IFT43: variants seen among roughly 807,000 people sequenced by gnomAD.
IFT43 encodes the protein intraflagellar transport protein 43 homolog.
In IFT43, 33 loss-of-function variants were observed where a neutral mutation model predicts 32.3. That is an observed-to-expected ratio of 1.02 (90% CI 0.77 to 1.37). The LOEUF (loss-of-function observed/expected upper bound fraction) is 1.37. IFT43 is among the 40% of genes most tolerant of loss of function. The probability of loss-of-function intolerance (pLI) is 0.00; values close to 1 mark genes in which losing one functional copy is unlikely to be tolerated. For synonymous variants in IFT43, 93 were observed against 98.2 expected, an observed-to-expected ratio of 0.95 and a Z score of 0.31; for missense variants, 274 against 265.9, an observed-to-expected ratio of 1.03 and a Z score of -0.21.
At chr14:76,030,767 T>C (rs2036495691) in intron 3 of IFT43, among the ~76,000 whole-genome samples, 2 of 152,292 alleles carry the variant, frequency 1.3e-5, no homozygotes, top group African/African-American at 4.8e-5. Flanking sequence ...AATACACAAT[T>C]ACATTCACTT....
intron 3 of IFT43, among the ~76,000 whole-genome samples, chr14:76,030,864 A>G (rs1334399872): frequency 6.6e-6 from 1 of 151,776 alleles, no homozygotes; most frequent in African/African-American, 2.4e-5. Context: ...ACACCAATCA[A>G]TAGTTAAAAT....
intron 2 of IFT43, among the ~76,000 whole-genome samples, chr14:76,003,701 C>A (rs1276962685): frequency 1.3e-5 from 2 of 152,114 alleles, no homozygotes; most frequent in Admixed American, 6.6e-5. Context: ...TTTGTCCCCC[C>A]AGTCCTTTGT....
chr14:76,032,030 C>T (rs552517007), intron 3 of IFT43, among the ~76,000 whole-genome samples: 1 of 152,272 alleles, frequency 6.6e-6, no homozygotes, highest in Admixed American at 6.5e-5. Context: ...CCTGACACAT[C>T]CAAATTAGTC....
chr14:76,005,085 C>G (rs1480072964), intron 2 of IFT43, among the ~76,000 whole-genome samples: 1 of 152,098 alleles, frequency 6.6e-6, no homozygotes, highest in East Asian at 1.9e-4. Flanking sequence ...TTTTTATTGT[C>G]TATTTTTTCT....
intron 3 of IFT43, among the ~76,000 whole-genome samples, chr14:76,037,309 T>G (rs1025534034): frequency 6.6e-6 from 1 of 152,218 alleles, no homozygotes; most frequent in East Asian, 1.9e-4. Context: ...GTCATTCCAC[T>G]TTCAGCCTGT....
At chr14:76,017,001 A>G (rs544745262) in intron 2 of IFT43, among the ~76,000 whole-genome samples, 75 of 152,178 alleles carry the variant, frequency 4.9e-4, no homozygotes, top group African/African-American at 1.3e-3. Context: ...AAGAGGGACA[A>G]TTTCACTTCC....
intron 5 of IFT43, among the ~76,000 whole-genome samples, chr14:76,063,470 C>CAGTG (rs1189829249): frequency 6.6e-6 from 1 of 152,224 alleles, no homozygotes; most frequent in Admixed American, 6.5e-5. Context: ...CCCTTCAACT[C>CAGTG]AGTGAGACCT....
intron 5 of IFT43, among the ~76,000 whole-genome samples, chr14:76,065,851 C>T (rs1051894599): frequency 1.3e-5 from 2 of 152,202 alleles, no homozygotes; most frequent in Non-Finnish European, 2.9e-5. Flanking sequence ...AACTCCTGGG[C>T]TCAACCAGTC....
chr14:76,051,375 T>C (rs969716769), intron 3 of IFT43, among the ~76,000 whole-genome samples: 139 of 151,822 alleles, frequency 9.2e-4, no homozygotes, highest in Non-Finnish European at 2.4e-4. Context: ...TTAATGAGTA[T>C]TGCAGGTGTG....
chr14:76,051,831 C>G (rs1470655940), intron 3 of IFT43, among the ~76,000 whole-genome samples: 1 of 152,166 alleles, frequency 6.6e-6, no homozygotes, highest in African/African-American at 2.4e-5. Context: ...TTTCTTCATG[C>G]CTTTGGCCCC....
chr14:75,987,942 G>A (rs2035560796), intron 1 of IFT43, among the ~76,000 whole-genome samples: 1 of 152,118 alleles, frequency 6.6e-6, no homozygotes, highest in African/African-American at 2.4e-5. Flanking sequence ...CATTTACCAT[G>A]GAATTTAGGA....
intron 2 of IFT43, among the ~76,000 whole-genome samples, chr14:76,022,077 C>G (rs992664689): frequency 6.6e-6 from 1 of 152,040 alleles, no homozygotes; most frequent in Admixed American, 6.6e-5. Flanking sequence ...ATGGTGAAAC[C>G]CTGTCTCTAC....
intron 3 of IFT43, among the ~76,000 whole-genome samples, chr14:76,032,448 A>G (rs2036525352): frequency 6.6e-6 from 1 of 152,226 alleles, no homozygotes; most frequent in African/African-American, 2.4e-5. Context: ...CATGGCTTAC[A>G]AGGTCCTACC....
At chr14:76,042,593 CAGA>C (rs2036727768) in intron 3 of IFT43, among the ~76,000 whole-genome samples, 1 of 152,244 alleles carries the variant, frequency 6.6e-6, no homozygotes, top group Non-Finnish European at 1.5e-5. Flanking sequence ...CCTGACCCAC[CAGA>C]AGAAGGTGAG....
intron 2 of IFT43, among the ~76,000 whole-genome samples, chr14:76,017,924 A>G (rs778229779): frequency 6.0e-5 from 9 of 151,210 alleles, no homozygotes; most frequent in African/African-American, 2.2e-4. Context: ...GATTTTATTT[A>G]TTTGGGTCTT....
At chr14:76,056,864 A>G (rs2037028152) in intron 3 of IFT43, among the ~76,000 whole-genome samples, 1 of 152,096 alleles carries the variant, frequency 6.6e-6, no homozygotes, top group Admixed American at 6.5e-5. Context: ...TTCCTTTAGG[A>G]TTCCGTTTAC....
rs532763286 is a variant in IFT43, at chr14:75,985,909, C to T, written c.54+69C>T. 1.6e-3 allele frequency: 2,608 copies of T among 1,586,598 alleles called. 47 individuals are homozygous for T. The South Asian group carries it at 0.028, about 17-fold the overall frequency. On this transcript the variant is annotated intron_variant, in intron 1 of 8. Coordinates refer to ENST00000314067, the MANE Select transcript of IFT43 (RefSeq NM_001102564.3). ...TGGGGAGGAGCGACCCCGCCGGCCC[C>T]GACTTCTCTGAGGCGACTCAGGGCG...
intron 5 of IFT43, among the ~76,000 whole-genome samples, chr14:76,077,170 C>T (rs2037427306): frequency 6.6e-6 from 1 of 151,990 alleles, no homozygotes; most frequent in African/African-American, 2.4e-5. Context: ...ATGACTCTTC[C>T]TCTGAAACTT....
chr14:76,083,378 C>T, intron 8 of IFT43, 80 bp from the exon 9 acceptor site: 1 of 1,613,012 alleles, frequency 6.2e-7, no homozygotes, highest in Non-Finnish European at 8.5e-7. Context: ...CTCCCTGAGG[C>T]CTGGATGGGA....
Sources: allele counts gnomAD v4.1 joint callset (sites outside exome capture counted in the v4.1 genomes callset), GRCh38; gene constraint gnomAD v4.1.1; transcripts MANE v1.5; gene names NCBI Gene and HGNC (gene_info 2026-07-23, HGNC 2026-07-21).